MCPH1: variants seen among roughly 807,000 people sequenced by gnomAD.
MCPH1 encodes the protein microcephalin.
Under a neutral mutation model 84.5 loss-of-function variants are expected in MCPH1, and 104 were observed. That is an observed-to-expected ratio of 1.23 (90% confidence interval 1.05 to 1.45). MCPH1 has a LOEUF of 1.45. Among genes scored for constraint, MCPH1 ranks in the 40% most tolerant of loss-of-function variants. The probability of loss-of-function intolerance (pLI) is 0.00; values close to 1 mark genes in which losing one functional copy is unlikely to be tolerated. For missense variants in MCPH1, 1,498 were observed against 1,005.7 expected (o/e 1.49, Z -6.62); for synonymous variants, 514 against 366.8 (o/e 1.40, Z -4.58).
At chr8:6,418,816 G>A (rs561986526) in intron 3 of MCPH1, among the ~76,000 whole-genome samples, 3 of 152,222 alleles carry the variant, frequency 2.0e-5, no homozygotes, top group Non-Finnish European at 2.9e-5. Flanking sequence ...TTCTGACCTC[G>A]TGATCTGCCT....
intron 12 of MCPH1, among the ~76,000 whole-genome samples, chr8:6,587,878 T>A (rs965968451): frequency 6.6e-6 from 1 of 152,136 alleles, no homozygotes; most frequent in African/African-American, 2.4e-5. Context: ...GGTGATGCAG[T>A]TTATTTGTCT....
chr8:6,607,842 T>C (rs1387453639), intron 12 of MCPH1, among the ~76,000 whole-genome samples: 10 of 152,226 alleles, frequency 6.6e-5, no homozygotes, highest in African/African-American at 2.4e-4. Context: ...ATTAAACTTC[T>C]TTCTCTTTAT....
chr8:6,513,185 T>C (rs1002299040), intron 12 of MCPH1, among the ~76,000 whole-genome samples: 14 of 152,248 alleles, frequency 9.2e-5, no homozygotes, highest in African/African-American at 3.1e-4. Flanking sequence ...GTATGAAGTT[T>C]CTTTTATATT....
In MCPH1 at chr8:6,562,552, C is replaced by CT. The variant is rs55804146; in HGVS notation, c.2215-58883dup. 181 of 73,846 alleles carry CT rather than the reference C, an allele frequency of 2.5e-3. 8 individuals carry two copies. The highest frequency in any genetic ancestry group is 0.013 in the Middle Eastern group (2 of 154). 4.6% of individuals were successfully genotyped at this position (73,846 alleles called of 1,614,324 possible). On this transcript the variant is annotated intron_variant, in intron 12 of 13. Coordinates refer to ENST00000344683, the MANE Select transcript of MCPH1 (RefSeq NM_024596.5). ...AGCTCTAATCCTCTTCATCCTCCTTCTTTTTTTTTTTTTTTTTTTGGTTGT... is the reference window on the plus strand; with the variant it reads ...AGCTCTAATCCTCTTCATCCTCCTTCTTTTTTTTTTTTTTTTTTTTGGTTGT...
intron 9 of MCPH1, among the ~76,000 whole-genome samples, chr8:6,457,348 T>G (rs1262002728): frequency 6.6e-6 from 1 of 151,652 alleles, no homozygotes; most frequent in Non-Finnish European, 1.5e-5. Flanking sequence ...ATCCCGGTAC[T>G]TTGGGGCGGG....
intron 13 of MCPH1, chr8:6,625,746 T>G (rs958843170): frequency 1.0e-6 from 1 of 977,686 alleles, no homozygotes; most frequent in Non-Finnish European, 1.2e-6. Flanking sequence ...ATCCCACCAC[T>G]GTACTCCAGC....
chr8:6,602,283 G>A (rs768562238), intron 12 of MCPH1, among the ~76,000 whole-genome samples: 6 of 152,188 alleles, frequency 3.9e-5, no homozygotes, highest in Non-Finnish European at 7.3e-5. Context: ...TGTCTGGCAC[G>A]GGCTGGAGCA....
intron 9 of MCPH1, among the ~76,000 whole-genome samples, chr8:6,467,651 C>T (rs7011579): frequency 0.13 from 19,609 of 151,962 alleles, 2,499 homozygotes; most frequent in African/African-American, 0.32. Context: ...GCTGGAGTGC[C>T]GTGGCGAGAT....
intron 12 of MCPH1, among the ~76,000 whole-genome samples, chr8:6,533,092 C>A (rs1819831255): frequency 6.6e-6 from 1 of 152,232 alleles, no homozygotes; most frequent in Admixed American, 6.5e-5. Context: ...TTAAATTTTT[C>A]CTAACATGTA....
intron 12 of MCPH1, among the ~76,000 whole-genome samples, chr8:6,559,264 G>A (rs1394581522): frequency 1.7e-5 from 1 of 59,222 alleles, no homozygotes; most frequent in Non-Finnish European, 5.4e-5. Context: ...CACACACAGA[G>A]TCCCTAGCAA....
chr8:6,606,645 G>C (rs1248097588), intron 12 of MCPH1, among the ~76,000 whole-genome samples: 2 of 152,174 alleles, frequency 1.3e-5, no homozygotes, highest in African/African-American at 4.8e-5. Flanking sequence ...TATGTGAGAA[G>C]GTGTATGTGA....
rs1809153668 is a variant in MCPH1 at position 6,480,975 on chromosome 8, CT to C, written c.2136+101del. 8.9e-6 allele frequency: 12 copies of C among 1,351,472 alleles called. No individual in the cohort carries two copies. In the Admixed American group the frequency reaches 2.1e-4, roughly 23 times the overall value. The allele number at this position is 1,351,472 out of a possible 1,614,324, so 83.7% of individuals were successfully genotyped here. The stretch of plus-strand genomic sequence containing the variant: ...ATCAGCACTCAGGCCGGCGTGCACC[CT>C]TGTGGATCTGCACACTTTCCTGTGA... On this transcript the variant is annotated intron_variant, in intron 11 of 13. Coordinates refer to ENST00000344683, the MANE Select transcript of MCPH1 (RefSeq NM_024596.5).
At chr8:6,408,646 C>T (rs1798084460) in intron 1 of MCPH1, among the ~76,000 whole-genome samples, 1 of 151,692 alleles carries the variant, frequency 6.6e-6, no homozygotes, top group Non-Finnish European at 1.5e-5. Context: ...GATTCTCCCA[C>T]CTCAGCTTCT....
intron 12 of MCPH1, among the ~76,000 whole-genome samples, chr8:6,549,994 T>C (rs1308684508): frequency 6.6e-6 from 1 of 152,250 alleles, no homozygotes; most frequent in Non-Finnish European, 1.5e-5. Flanking sequence ...GGGTTGGCTT[T>C]GCCCAGGTGA....
At chr8:6,599,591 G>A (rs1207459266) in intron 12 of MCPH1, among the ~76,000 whole-genome samples, 1 of 152,200 alleles carries the variant, frequency 6.6e-6, no homozygotes, top group Non-Finnish European at 1.5e-5. Context: ...AACTTGTTTG[G>A]CATTTTATTG....
chr8:6,436,630 T>C (rs1351961972), intron 5 of MCPH1, among the ~76,000 whole-genome samples: 1 of 151,112 alleles, frequency 6.6e-6, no homozygotes, highest in Non-Finnish European at 1.5e-5. Context: ...GAAAAAAATA[T>C]ATGTATTCTT....
At chr8:6,444,264 T>C (rs1289208839) in intron 7 of MCPH1, 129 bp from the exon 8 acceptor site, 3 of 1,056,552 alleles carry the variant, frequency 2.8e-6, no homozygotes, top group Non-Finnish European at 4.1e-6. Context: ...TGAGAAGAAC[T>C]CAAGTGTGGT....
At chr8:6,435,652 C>T (rs538156488) in intron 4 of MCPH1, among the ~76,000 whole-genome samples, 5 of 152,258 alleles carry the variant, frequency 3.3e-5, no homozygotes, top group East Asian at 1.9e-4. Context: ...GCTCAAGTGA[C>T]GTAACTTGCA....
At chr8:6,529,101 T>G (rs1422058208) in intron 12 of MCPH1, among the ~76,000 whole-genome samples, 4 of 152,218 alleles carry the variant, frequency 2.6e-5, no homozygotes, top group African/African-American at 9.6e-5. Flanking sequence ...GGATGGCATA[T>G]AAGTCATGAT....
Sources: allele counts gnomAD v4.1 joint callset (sites outside exome capture counted in the v4.1 genomes callset), GRCh38; gene constraint gnomAD v4.1.1; transcripts MANE v1.5; gene names NCBI Gene and HGNC (gene_info 2026-07-23, HGNC 2026-07-21).